The following ITGB8 variants were observed in gnomAD, a reference collection of about 807,000 sequenced individuals.
ITGB8 encodes the protein integrin beta-8.
ITGB8 carries 30 observed loss-of-function variants against 89.5 expected under a neutral mutation model. The observed-to-expected ratio is 0.34, with a 90% CI of 0.25 to 0.45. The LOEUF is 0.45. Ranked by LOEUF, ITGB8 falls within the 20% of genes least tolerant of loss-of-function variation. ITGB8 has a pLI of 1.00. For missense variants in ITGB8, 836 were observed against 933.3 expected (o/e 0.90, Z 1.36); for synonymous variants, 335 against 320.4 (o/e 1.05, Z -0.49).
upstream of ITGB8, among the ~76,000 whole-genome samples, chr7:20,330,199 C>A (rs1784326852): frequency 6.6e-6 from 1 of 152,174 alleles, no homozygotes; most frequent in Admixed American, 6.5e-5. Flanking sequence ...GCCAGTCGCT[C>A]CGGGAACAGC....
At chr7:20,389,039 T>A (rs1046595492) in intron 6 of ITGB8, among the ~76,000 whole-genome samples, 7 of 152,226 alleles carry the variant, frequency 4.6e-5, no homozygotes, top group Non-Finnish European at 1.5e-5. Context: ...AGTCTATCAT[T>A]GATGGGCATT....
intron 9 of ITGB8, 103 bp downstream of exon 9, chr7:20,399,097 C>T: frequency 8.8e-7 from 1 of 1,133,014 alleles, no homozygotes; most frequent in South Asian, 1.6e-5. Flanking sequence ...TTACTACTGA[C>T]TCTAAGAATC....
chr7:20,371,226 C>G (rs765119476), intron 3 of ITGB8, among the ~76,000 whole-genome samples: 5 of 151,846 alleles, frequency 3.3e-5, no homozygotes, highest in Non-Finnish European at 5.9e-5. Flanking sequence ...AAGAATACTC[C>G]CTTAGGATAT....
chr7:20,379,519 T>G (rs1786287428), intron 4 of ITGB8: 1 of 190,792 alleles, frequency 5.2e-6, no homozygotes, highest in Non-Finnish European at 1.0e-5. Context: ...TAGTCAGTTT[T>G]TATCACCAAA....
chr7:20,409,649 T>C lies in ITGB8; in HGVS notation c.2058T>C (p.Phe686=). 1 of 1,610,224 alleles carries C rather than the reference T, an allele frequency of 6.2e-7. No individual in the cohort carries two copies. Among genetic ancestry groups the C allele is most frequent in the South Asian group, 1.1e-5 (1 of 90,198 alleles). Residue 686 remains phenylalanine (F), a synonymous_variant, in exon 13 of 14, where the codon TTT becomes TTC. Coordinates refer to ENST00000222573, the MANE Select transcript of ITGB8 (RefSeq NM_002214.3). The part of the protein sequence containing the change: ...CFSSPSYLRI[F]FIIFIVTFLI... ...CCAGCCCAAGCTACTTGAGAATATT[T>C]TTCATCATTTTCATAGTTACATTCT...
chr7:20,366,926 C>G (rs1785721249), intron 2 of ITGB8, 86 bp from the exon 3 acceptor site: 2 of 886,860 alleles, frequency 2.3e-6, no homozygotes, highest in Admixed American at 5.4e-5. Flanking sequence ...TATAAAATAC[C>G]AAAAATGCAA....
intron 3 of ITGB8, among the ~76,000 whole-genome samples, chr7:20,372,940 T>C (rs909749766): frequency 6.6e-6 from 1 of 152,192 alleles, no homozygotes; most frequent in African/African-American, 2.4e-5. Flanking sequence ...AAGCTAAATG[T>C]TGGCAACCCC....
intron 1 of ITGB8, among the ~76,000 whole-genome samples, chr7:20,359,792 T>G (rs545965063): frequency 5.9e-5 from 9 of 152,334 alleles, no homozygotes; most frequent in Admixed American, 5.9e-4. Context: ...TATTGGTATA[T>G]TTGGTATTTT....
intron 1 of ITGB8, among the ~76,000 whole-genome samples, chr7:20,356,670 T>C (rs1439256669): frequency 3.9e-5 from 6 of 152,226 alleles, no homozygotes; most frequent in Admixed American, 6.5e-5. Context: ...TCCAGAATGA[T>C]TGATTCTAAA....
chr7:20,410,065 T>TA lies in ITGB8; in HGVS notation c.*72dup, dbSNP rs963210956. The TA allele has an allele frequency of 9.3e-5, 141 of 1,519,670 alleles. No individual in the cohort carries two copies. Among genetic ancestry groups the TA allele is most frequent in the Non-Finnish European group, 1.2e-4 (136 of 1,117,858 alleles). The allele number at this position is 1,519,670 out of a possible 1,614,324, so 94.1% of individuals were successfully genotyped here. A position where few individuals can be genotyped will look rare whatever the true frequency, so the allele number is the denominator to read the frequency against. ...TAATTGCTCCTAAAGATTATAATTT[T>TA]AAAAGTCACAGGAGGAGACAAATTG... On this transcript the variant is annotated 3_prime_UTR_variant, in exon 14 of 14. Transcript: ENST00000222573.
chr7:20,351,258 A>G (rs1785104327), intron 1 of ITGB8, among the ~76,000 whole-genome samples: 1 of 152,178 alleles, frequency 6.6e-6, no homozygotes, highest in South Asian at 2.1e-4. Flanking sequence ...CATACTTTGG[A>G]ATAATTTTCT....
chr7:20,343,211 C>T (rs1433247965), intron 1 of ITGB8, among the ~76,000 whole-genome samples: 2 of 152,148 alleles, frequency 1.3e-5, no homozygotes, highest in Non-Finnish European at 2.9e-5. Context: ...AGCTTTGCTG[C>T]CGTTTGGCCA....
At chr7:20,367,970 G>A (rs557426338) in intron 3 of ITGB8, among the ~76,000 whole-genome samples, 78 of 152,268 alleles carry the variant, frequency 5.1e-4, no homozygotes, top group African/African-American at 1.7e-3. Flanking sequence ...GTAGTTTAAC[G>A]CAGTTCACAA....
rs140837488 is a variant in ITGB8 at position 20,362,290 on chromosome 7, C to T, written c.128-1347C>T. 1.6e-4 allele frequency among the ~76,000 whole-genome samples: 24 copies of T among 152,272 alleles called. No individual in the cohort carries two copies. The East Asian group carries it at 4.4e-3, about 28-fold the overall frequency. The stretch of plus-strand genomic sequence containing the variant: ...TATGGCTAGCTAGAGATTCTGTGGT[C>T]TCTATTCCCTTTAAAATTACCATGT... On this transcript the variant is annotated intron_variant, in intron 1 of 13. Coordinates refer to ENST00000222573, the MANE Select transcript of ITGB8 (RefSeq NM_002214.3).
intron 7 of ITGB8, among the ~76,000 whole-genome samples, chr7:20,392,329 C>G (rs1786895122): frequency 6.6e-6 from 1 of 152,134 alleles, no homozygotes; most frequent in Non-Finnish European, 1.5e-5. Flanking sequence ...AGTGGCCAGT[C>G]CCCAGTGCCC....
chr7:20,349,623 C>G (rs938883794), intron 1 of ITGB8, among the ~76,000 whole-genome samples: 1 of 152,028 alleles, frequency 6.6e-6, no homozygotes, highest in Admixed American at 6.5e-5. Context: ...ATATGTAAAT[C>G]AAATGCCGTA....
chr7:20,347,130 G>C (rs1390860575), intron 1 of ITGB8, among the ~76,000 whole-genome samples: 1 of 152,134 alleles, frequency 6.6e-6, no homozygotes, highest in Non-Finnish European at 1.5e-5. Context: ...CACCACATCT[G>C]TTGCTGCCTT....
intron 1 of ITGB8, among the ~76,000 whole-genome samples, chr7:20,337,220 A>C (rs932917715): frequency 6.6e-6 from 1 of 152,226 alleles, no homozygotes; most frequent in Admixed American, 6.5e-5. Context: ...TTGATTTTAC[A>C]ATTTTACAAA....
In ITGB8 at chr7:20,401,781, G is replaced by A; in HGVS notation, c.1342G>A (p.Ala448Thr). ...KCDVTGGKNY[A>T]IIKPIGFNET... The stretch of plus-strand genomic sequence containing the variant: ...TGATGTCACAGGAGGAAAAAACTAT[G>A]CAATAATCAAACCTATTGGTTTTAA... The change falls in exon 10 of 14, where the codon GCA (alanine) becomes ACA (threonine). Residue 448 changes from alanine (A) to threonine (T), a missense_variant. By Grantham distance (58) the Ala-to-Thr change is moderately conservative (BLOSUM62 0). Transcript: ENST00000222573. The A allele has an allele frequency of 6.2e-7, 1 of 1,602,576 alleles. No individual in the cohort carries two copies. Among genetic ancestry groups the A allele is most frequent in the Non-Finnish European group, 8.5e-7 (1 of 1,177,008 alleles).
Sources: gnomAD v4.1 joint callset for allele counts (sites outside exome capture counted in the v4.1 genomes callset) on GRCh38, gnomAD v4.1.1 for gene constraint, MANE v1.5 for transcripts, NCBI Gene and HGNC (gene_info 2026-07-23, HGNC 2026-07-21) for gene names.